Variants in UBA1 observed in about 807,000 individuals in gnomAD.
The protein encoded by UBA1 is ubiquitin-like modifier-activating enzyme 1.
In UBA1, 4 loss-of-function variants were observed where a neutral mutation model predicts 84.7. The ratio of observed to expected loss-of-function variants is 0.05; its 90% confidence interval spans 0.02 to 0.11. The LOEUF is 0.11. Ranked by LOEUF, UBA1 falls within the 10% of genes least tolerant of loss-of-function variation. The probability of loss-of-function intolerance (pLI) is 1.00; values close to 1 mark genes in which losing one functional copy is unlikely to be tolerated. For missense variants in UBA1, 513 were observed against 902.8 expected (o/e 0.57, Z 5.53); for synonymous variants, 364 against 362.6 (o/e 1.00, Z -0.04).
intron 23 of UBA1, 59 bp downstream of exon 23, chrX:47,213,240 T>C (rs1457144721): frequency 9.0e-7 from 1 of 1,109,734 alleles, no homozygotes; most frequent in Non-Finnish European, 1.2e-6. Flanking sequence ...GATCTGGTTC[T>C]GATTCACGTC....
In UBA1 at chrX:47,199,083, C is replaced by T. The variant is rs890188536; in HGVS notation, c.153C>T (p.Asp51=). 3.3e-6 allele frequency: 4 copies of T among 1,212,311 alleles called. No individual in the cohort carries two copies. Among genetic ancestry groups the T allele is most frequent in the East Asian group, 3.0e-5 (1 of 33,856 alleles). Residue 51 remains aspartate, a synonymous_variant, in exon 3 of 26, where the codon GAC becomes GAT. Coordinates refer to ENST00000335972, the MANE Select transcript of UBA1 (RefSeq NM_003334.4). ...AGAACGGCAGTGAAGCAGACATAGACGAGGGCCTTTACTCCCGGCAGCTGT... is the reference window on the plus strand; with the variant it reads ...AGAACGGCAGTGAAGCAGACATAGATGAGGGCCTTTACTCCCGGCAGCTGT... ...MAKNGSEADI[D]EGLYSRQLYV...
Position 47,211,126 on chromosome X carries a change from A to G in UBA1, c.2365A>G (p.Thr789Ala), listed in dbSNP as rs377527446. 6 of 1,211,808 alleles carry G rather than the reference A, an allele frequency of 5.0e-6. No homozygotes were observed. The Admixed American group carries it at 1.3e-4, about 26-fold the overall frequency. Reference sequence around the variant, plus strand: ...CTCTCAGGACCGAGCTGCTGTGGCCACATTCCTGCAGTCTGTGCAGGTCCC... The same window carrying G: ...CTCTCAGGACCGAGCTGCTGTGGCCGCATTCCTGCAGTCTGTGCAGGTCCC... The part of the protein sequence containing the change: ...TGSQDRAAVA[T>A]FLQSVQVPEF... Residue 789 changes from threonine to alanine, a missense_variant, in exon 20 of 26, where the codon ACA becomes GCA. Coordinates refer to ENST00000335972, the MANE Select transcript of UBA1 (RefSeq NM_003334.4).
intron 14 of UBA1, among the ~76,000 whole-genome samples, chrX:47,204,028 G>A (rs1388978548): frequency 1.8e-5 from 2 of 109,266 alleles, no homozygotes; most frequent in Non-Finnish European, 3.8e-5. Context: ...TATTACAGGC[G>A]TGAGCCACCA....
At position 47,202,491 on chromosome X, in the gene UBA1, G is replaced by C; in HGVS notation, c.1043G>C (p.Arg348Pro). Reference protein sequence around the residue: ...QFCAQHGRPPRPRNEEDAAEL... With the variant: ...QFCAQHGRPPPPRNEEDAAEL... ...TGTGCTCAGCATGGCCGGCCACCTCGGCCCCGCAATGAGGTGGGTGAGTGG... is the reference window on the plus strand; with the variant it reads ...TGTGCTCAGCATGGCCGGCCACCTCCGCCCCGCAATGAGGTGGGTGAGTGG... Residue 348 changes from arginine (R) to proline (P), a missense_variant, in exon 10 of 26, where the codon CGG (arginine) becomes CCG (proline). Arg to Pro is a moderately radical substitution (Grantham distance 103). This residue lies in a region of UBA1 where 227 missense variants were observed against 339.1 expected (regional missense o/e 0.67). Transcript: ENST00000335972. 1 of 1,201,175 alleles carries C rather than the reference G, an allele frequency of 8.3e-7. No homozygotes were observed. Among genetic ancestry groups the C allele is most frequent in the Non-Finnish European group, 1.1e-6 (1 of 890,134 alleles).
At chrX:47,203,262 C>CAAG in intron 13 of UBA1, 48 bp downstream of exon 13, 1 of 1,170,605 alleles carries the variant, frequency 8.5e-7, no homozygotes, top group Non-Finnish European at 1.2e-6. Flanking sequence ...GGCCTCTGGC[C>CAAG]ATCACCCCTG....
intron 23 of UBA1, 98 bp downstream of exon 23, chrX:47,213,279 T>A: frequency 2.2e-6 from 2 of 894,397 alleles, no homozygotes; most frequent in South Asian, 4.7e-5. Flanking sequence ...AGGGTTTCTG[T>A]CTGTGTACCT....
intron 16 of UBA1, among the ~76,000 whole-genome samples, chrX:47,207,605 T>G (rs376720036): frequency 1.6e-4 from 18 of 110,949 alleles, no homozygotes; most frequent in African/African-American, 5.9e-4. Context: ...TCAGAATAAT[T>G]CTTAGTGCAG....
upstream of UBA1, among the ~76,000 whole-genome samples, chrX:47,193,439 A>G (rs536779085): frequency 2.1e-3 from 229 of 111,539 alleles, 3 homozygotes; most frequent in Non-Finnish European, 2.9e-3. Flanking sequence ...CCCCTGCAAG[A>G]TCATCATTAT....
At chrX:47,208,419 C>T (rs1180722517) in intron 16 of UBA1, 4 of 112,237 alleles carry the variant, frequency 3.6e-5, no homozygotes, top group African/African-American at 9.7e-5. Flanking sequence ...CTGCCTCAGC[C>T]TCCAAAAGTG....
intron 1 of UBA1, chrX:47,197,960 AAGG>A (rs1365577698): frequency 2.4e-6 from 2 of 829,616 alleles, no homozygotes; most frequent in East Asian, 2.0e-4. Flanking sequence ...CATCTGGCAC[AAGG>A]AGGACTCCTG....
In UBA1 at chrX:47,211,082, A is replaced by G. The variant is rs1556793231; in HGVS notation, c.2321A>G (p.Gln774Arg). 1 of 1,209,953 alleles carries G rather than the reference A, an allele frequency of 8.3e-7. No individual in the cohort carries two copies. Among genetic ancestry groups the G allele is most frequent in the Non-Finnish European group, 1.1e-6 (1 of 895,235 alleles). Residue 774 changes from glutamine to arginine, a missense_variant, in exon 20 of 26, where the codon CAG becomes CGG. This residue lies in a region of UBA1 where 151 missense variants were observed against 260.1 expected (regional missense o/e 0.58). Coordinates refer to ENST00000335972, the MANE Select transcript of UBA1 (RefSeq NM_003334.4). ...ATGGCTGCTGCCAACCTGTTTGCCC[A>G]GACCTACGGGCTGACAGGCTCTCAG... ...YVMAAANLFA[Q>R]TYGLTGSQDR... is the part of the protein sequence containing the mutation.
intron 16 of UBA1, among the ~76,000 whole-genome samples, chrX:47,208,344 C>T (rs1310033379): frequency 4.6e-5 from 5 of 108,251 alleles, no homozygotes; most frequent in Non-Finnish European, 9.5e-5. Flanking sequence ...TGTGTGTGTG[C>T]GCACGCACGC....
In UBA1 at chrX:47,202,205, C is replaced by A; in HGVS notation, c.861C>A (p.Ile287=). The A allele has an allele frequency of 1.7e-6, 2 of 1,210,655 alleles. No individual in the cohort carries two copies. The highest frequency in any genetic ancestry group is 2.2e-6 in the Non-Finnish European group (2 of 894,923). ...ICDTSNFSDY[I]RGGIVSQVKV... ...ACACCTCCAACTTCTCCGACTACAT[C>A]CGTGGAGGCATCGTCAGTCAGGTCA... The change falls in exon 9 of 26, where the codon ATC becomes ATA. Residue 287 remains isoleucine (I), a synonymous_variant. Coordinates refer to ENST00000335972, the MANE Select transcript of UBA1 (RefSeq NM_003334.4).
In UBA1 at chrX:47,214,593, C is replaced by A; in HGVS notation, c.2997C>A (p.Ser999=). Residue 999 remains serine (S), a synonymous_variant, in exon 25 of 26, where the codon TCC becomes TCA. Transcript: ENST00000335972. The part of the protein sequence containing the change: ...MLSQGVSMLY[S]FFMPAAKLKE... ...CCCAGGGCGTGTCCATGCTCTATTC[C>A]TTCTTCATGCCAGCTGCCAAGCTCA... is the stretch of plus-strand genomic sequence containing the variant. 8.3e-7 allele frequency: 1 copy of A among 1,211,127 alleles called. No individual in the cohort carries two copies. Among genetic ancestry groups the A allele is most frequent in the East Asian group, 3.0e-5 (1 of 33,808 alleles).
chrX:47,194,452 G>A (rs192773901), intron 1 of UBA1, among the ~76,000 whole-genome samples: 1 of 112,363 alleles, frequency 8.9e-6, no homozygotes, highest in Non-Finnish European at 1.9e-5. Flanking sequence ...TAGCTTCTCA[G>A]TATTTGTCCT....
At chrX:47,211,961 C>A (rs782015631) in intron 20 of UBA1, among the ~76,000 whole-genome samples, 1 of 93,645 alleles carries the variant, frequency 1.1e-5, no homozygotes, top group Non-Finnish European at 2.1e-5. Flanking sequence ...TATATACCCC[C>A]ACTCTCCCCC....
intron 1 of UBA1, among the ~76,000 whole-genome samples, chrX:47,196,287 C>T (rs782400484): frequency 9.9e-5 from 11 of 110,977 alleles, no homozygotes; most frequent in Non-Finnish European, 2.1e-4. Flanking sequence ...TCTCACGTTC[C>T]CATGGACTTC....
chrX:47,199,641 C>T, intron 5 of UBA1, 27 bp downstream of exon 5: 1 of 1,209,081 alleles, frequency 8.3e-7, no homozygotes, highest in Admixed American at 2.2e-5. Flanking sequence ...ACCCAGCCTT[C>T]TGCCCAGTTT....
chrX:47,197,828 C>T (rs1011731670), intron 1 of UBA1: 26 of 503,853 alleles, frequency 5.2e-5, no homozygotes, highest in African/African-American at 4.2e-4. Flanking sequence ...GGTCACCGAA[C>T]GTCCCTGAGT....
Sources: allele counts gnomAD v4.1 joint callset (sites outside exome capture counted in the v4.1 genomes callset), GRCh38; gene constraint gnomAD v4.1.1; regional missense constraint gnomAD v4.1.1; transcripts MANE v1.5; gene names NCBI Gene and HGNC (gene_info 2026-07-23, HGNC 2026-07-21).